Variants in UACA observed in about 807,000 individuals in gnomAD.
The protein encoded by UACA is nuclear membrane binding protein.
UACA carries 112 observed loss-of-function variants against 160.5 expected under a neutral mutation model. The observed-to-expected ratio is 0.70, with a 90% CI of 0.60 to 0.82. UACA has a LOEUF of 0.82. UACA is among the 40% of genes least tolerant of loss of function. The probability of loss-of-function intolerance (pLI) is 0.00; values close to 1 mark genes in which losing one functional copy is unlikely to be tolerated. For synonymous variants in UACA, 557 were observed against 568.4 expected (o/e 0.98, Z 0.29); for missense variants, 1,574 against 1,614.6 (o/e 0.97, Z 0.43).
At chr15:70,701,588 C>T (rs1427894419) in intron 1 of UACA, among the ~76,000 whole-genome samples, 1 of 152,080 alleles carries the variant, frequency 6.6e-6, no homozygotes, top group Non-Finnish European at 1.5e-5. Context: ...TAAAGTCTCA[C>T]ATTATCATAT....
intron 13 of UACA, among the ~76,000 whole-genome samples, chr15:70,672,338 G>T (rs891718466): frequency 3.3e-5 from 5 of 152,088 alleles, no homozygotes; most frequent in Admixed American, 3.3e-4. Context: ...ACCTCAAAAG[G>T]AAGGAAGTGG....
chr15:70,745,174 G>A (rs1899663819), intron 1 of UACA, among the ~76,000 whole-genome samples: 1 of 152,136 alleles, frequency 6.6e-6, no homozygotes, highest in South Asian at 2.1e-4. Flanking sequence ...GCTCACACCT[G>A]TAATCCCAGC....
rs544160599 is a variant in UACA, at chr15:70,743,447, C to T, written c.78+19883G>A. 2.6e-5 allele frequency among the ~76,000 whole-genome samples: 4 copies of T among 152,274 alleles called. No homozygotes were observed. In the South Asian group the frequency reaches 8.3e-4, roughly 32 times the overall value. ...AAGGCCATTTTTAAAATTCTGCTTA[C>T]CACATCTCTGGATGTGTATTTTTCA... On this transcript the variant is annotated intron_variant, in intron 1 of 18. Transcript: ENST00000322954.
chr15:70,691,253 TTTG>T, intron 4 of UACA, 43 bp downstream of exon 4: 2 of 1,360,936 alleles, frequency 1.5e-6, no homozygotes, highest in South Asian at 1.3e-5. Context: ...ACATCTATGA[TTTG>T]TTGTCAAAAT....
the UACA span, among the ~76,000 whole-genome samples, chr15:70,773,923 G>C: frequency 3.9e-5 from 6 of 152,150 alleles, 1 homozygote; most frequent in Non-Finnish European, 8.8e-5. Flanking sequence ...GGATTAGCTT[G>C]TACAGGGACT....
intron 1 of UACA, among the ~76,000 whole-genome samples, chr15:70,761,003 G>A (rs2030718888): frequency 1.3e-5 from 2 of 152,050 alleles, no homozygotes; most frequent in South Asian, 2.1e-4. Context: ...CTTTAACCCA[G>A]CAATTCACTT....
chr15:70,671,158 T>C, intron 14 of UACA, 67 bp from the exon 15 acceptor site: 1 of 1,107,114 alleles, frequency 9.0e-7, no homozygotes, highest in South Asian at 1.4e-5. Flanking sequence ...AAACATTAAT[T>C]TGATGTTATT....
At chr15:70,677,234 T>G in intron 11 of UACA, 94 bp from the exon 12 acceptor site, 2 of 950,604 alleles carry the variant, frequency 2.1e-6, no homozygotes, top group Non-Finnish European at 3.3e-6. Context: ...GATTGGCAAA[T>G]GTCTTTAAGA....
chr15:70,675,696 T>A (rs1391363004), intron 13 of UACA, among the ~76,000 whole-genome samples: 10 of 152,372 alleles, frequency 6.6e-5, no homozygotes, highest in African/African-American at 2.2e-4. Context: ...TTATTTTTCA[T>A]AATGCACACA....
At chr15:70,742,952 G>A (rs1023354211) in intron 1 of UACA, among the ~76,000 whole-genome samples, 1 of 152,086 alleles carries the variant, frequency 6.6e-6, no homozygotes, top group African/African-American at 2.4e-5. Flanking sequence ...TCTCTGCTTG[G>A]GGTCTGATCT....
At chr15:70,720,069 G>T (rs1001352435) in intron 1 of UACA, among the ~76,000 whole-genome samples, 1 of 152,052 alleles carries the variant, frequency 6.6e-6, no homozygotes, top group African/African-American at 2.4e-5. Flanking sequence ...TTCTCCCTTT[G>T]GTGCTGTTCT....
rs200267063 is a variant in UACA at position 70,680,352 on chromosome 15, T to TA, written c.823-677dup. On this transcript the variant is annotated intron_variant, in intron 9 of 18. Coordinates refer to ENST00000322954, the MANE Select transcript of UACA (RefSeq NM_018003.4). The stretch of plus-strand genomic sequence containing the variant: ...CAAAATGATCTTTAAATCTCCACAA[T>TA]AACTAATGTAGAAAGCTATTTATTT... Among the ~76,000 whole-genome samples, 63 of 152,234 alleles carry TA rather than the reference T, an allele frequency of 4.1e-4. No homozygotes were observed. The East Asian group carries it at 0.012, about 28-fold the overall frequency.
chr15:70,736,781 T>C, intron 1 of UACA, among the ~76,000 whole-genome samples: 1 of 152,202 alleles, frequency 6.6e-6, no homozygotes, highest in Non-Finnish European at 1.5e-5. Flanking sequence ...TGAGAAATTA[T>C]GGAACTTAAA....
chr15:70,657,133 G>C lies in UACA; in HGVS notation c.4180-6C>G, dbSNP rs760585163. ...ACATCTTCATCCATGTGACCCTTCG[G>C]AGAAAGAAGAAAGAGGAGCATTATT... is the stretch of plus-strand genomic sequence containing the variant. On this transcript the variant is annotated splice_region_variant and splice_polypyrimidine_tract_variant and intron_variant, in intron 18 of 18. Transcript: ENST00000322954. The C allele has an allele frequency of 1.2e-6, 2 of 1,612,954 alleles. No homozygotes were observed. Among genetic ancestry groups the C allele is most frequent in the South Asian group, 2.2e-5 (2 of 91,044 alleles).
At chr15:70,686,370 T>G (rs940664245) in intron 7 of UACA, among the ~76,000 whole-genome samples, 3 of 151,986 alleles carry the variant, frequency 2.0e-5, no homozygotes, top group Admixed American at 2.0e-4. Flanking sequence ...GGCTTCCAAG[T>G]CAAAGATTTC....
intron 9 of UACA, among the ~76,000 whole-genome samples, chr15:70,681,117 T>C (rs1228135034): frequency 1.3e-5 from 2 of 152,178 alleles, no homozygotes; most frequent in Admixed American, 1.3e-4. Flanking sequence ...CTTCATCCCT[T>C]AATTCTGTTT....
rs1235966960 is a variant in UACA, at chr15:70,682,872, T to C, written c.785-77A>G. ...AGGTACGCATTCCCTAACTATACAATTGAGTCAATATTAAATAAATAAACT... is the reference window on the plus strand; with the variant it reads ...AGGTACGCATTCCCTAACTATACAACTGAGTCAATATTAAATAAATAAACT... On this transcript the variant is annotated intron_variant, in intron 8 of 18. Transcript: ENST00000322954. 8 of 864,038 alleles carry C rather than the reference T, an allele frequency of 9.3e-6. No individual in the cohort carries two copies. The African/African-American group carries it at 1.2e-4, about 13-fold the overall frequency. The allele number at this position is 864,038 out of a possible 1,614,324, so 53.5% of individuals were successfully genotyped here. A position where few individuals can be genotyped will look rare whatever the true frequency, so the allele number is the denominator to read the frequency against.
the UACA span, among the ~76,000 whole-genome samples, chr15:70,774,545 CAAA>C: frequency 2.4e-5 from 2 of 82,438 alleles, no homozygotes; most frequent in Non-Finnish European, 4.7e-5. Flanking sequence ...GACTCTGTCT[CAAA>C]AAAAAAAAAA....
chr15:70,671,107 T>C lies in UACA; in HGVS notation c.1169-16A>G, dbSNP rs751240272. 1.4e-5 allele frequency: 22 copies of C among 1,565,352 alleles called. No homozygotes were observed. In the African/African-American group the frequency reaches 2.7e-4, roughly 19 times the overall value. On this transcript the variant is annotated splice_polypyrimidine_tract_variant and intron_variant, in intron 14 of 18. Coordinates refer to ENST00000322954, the MANE Select transcript of UACA (RefSeq NM_018003.4). Reference sequence around the variant, plus strand: ...TCTTCTTTTCCTAAATAAATGCAAATGAATGACATTTTAACTTCAATATCC... The same window carrying C: ...TCTTCTTTTCCTAAATAAATGCAAACGAATGACATTTTAACTTCAATATCC...
Sources: allele counts gnomAD v4.1 joint callset (sites outside exome capture counted in the v4.1 genomes callset), GRCh38; gene constraint gnomAD v4.1.1; transcripts MANE v1.5; gene names NCBI Gene and HGNC (gene_info 2026-07-23, HGNC 2026-07-21).